The following ZFP3 variants were observed in gnomAD, a reference collection of about 807,000 sequenced individuals.
ZFP3 encodes zinc finger protein 3 homolog.
ZFP3 carries 18 observed loss-of-function variants against 36.7 expected under a neutral mutation model. The observed-to-expected ratio is 0.49, with a 90% confidence interval of 0.34 to 0.73. The LOEUF (loss-of-function observed/expected upper bound fraction) is 0.73, where lower values mean the gene tolerates loss of function less well. Among genes scored for constraint, ZFP3 ranks in the 30% least tolerant of loss-of-function variants. The probability of loss-of-function intolerance (pLI) is 0.01; values close to 1 mark genes in which losing one functional copy is unlikely to be tolerated. For missense variants in ZFP3, 495 were observed against 599.0 expected (o/e 0.83, Z 1.81); for synonymous variants, 218 against 199.0 (o/e 1.10, Z -0.81).
At chr17:5,090,114 CAG>C (rs2072142391) in intron 1 of ZFP3, among the ~76,000 whole-genome samples, 1 of 151,998 alleles carries the variant, frequency 6.6e-6, no homozygotes, top group Non-Finnish European at 1.5e-5. Flanking sequence ...AAAAGAGGTA[CAG>C]AGACATGATG....
At chr17:5,081,119 A>G (rs1266618951) in intron 1 of ZFP3, among the ~76,000 whole-genome samples, 2 of 136,916 alleles carry the variant, frequency 1.5e-5, no homozygotes, top group East Asian at 4.2e-4. Flanking sequence ...CTTTTTTGAG[A>G]TGGAGTCTCA....
intron 1 of ZFP3, among the ~76,000 whole-genome samples, chr17:5,086,678 C>T (rs1162549297): frequency 2.0e-5 from 3 of 150,528 alleles, no homozygotes; most frequent in African/African-American, 7.3e-5. Context: ...AATCTGTGCT[C>T]ACAGTTCATA....
intron 1 of ZFP3, among the ~76,000 whole-genome samples, chr17:5,081,090 G>A (rs924371765): frequency 7.3e-6 from 1 of 137,872 alleles, no homozygotes; most frequent in African/African-American, 2.8e-5. Flanking sequence ...TTCTGTTTCT[G>A]TTCTTTTTTT....
Position 5,092,748 on chromosome 17 carries a change from A to G in ZFP3, c.1244A>G (p.His415Arg). The G allele has an allele frequency of 1.2e-6, 2 of 1,614,188 alleles. No homozygotes were observed. Among genetic ancestry groups the G allele is most frequent in the Non-Finnish European group, 1.7e-6 (2 of 1,180,030 alleles). Residue 415 changes from histidine to arginine, a missense_variant, in exon 2 of 2, where the codon CAT (histidine) becomes CGT (arginine). Physicochemically the swap from His to Arg is conservative, Grantham distance 29. Coordinates refer to ENST00000318833, the MANE Select transcript of ZFP3 (RefSeq NM_153018.3). This position sits in a 1 kb window ranked among gnomAD's most constrained non-coding sequence, Gnocchi z 5.0. ...CACCTTATTGTCCACCAGAGAATTC[A>G]TACTGGAGAGAAACCCCATCAATGT... ...TSHLIVHQRI[H>R]TGEKPHQCNE...
Position 5,093,378 on chromosome 17 carries a change from A to G in ZFP3, c.*365A>G. 5.1e-6 allele frequency: 1 copy of G among 195,676 alleles called. No homozygotes were observed. The highest frequency in any genetic ancestry group is 1.2e-5 in the Non-Finnish European group (1 of 86,900). The allele number at this position is 195,676 out of a possible 1,614,324, so 12.1% of individuals were successfully genotyped here. ...TGAGAGGTTTCAGTGTGCTAAGTTA[A>G]ATCATAAAAGCTCTTTCAGGCCTTA... On this transcript the variant is annotated 3_prime_UTR_variant, in exon 2 of 2. Transcript: ENST00000318833.
intron 1 of ZFP3, among the ~76,000 whole-genome samples, chr17:5,079,813 G>A (rs961861181): frequency 7.9e-5 from 12 of 152,166 alleles, no homozygotes; most frequent in African/African-American, 2.9e-4. Context: ...GCAAAGGTGG[G>A]CGGATCACCT....
chr17:5,085,971 C>T (rs1459387311), intron 1 of ZFP3, among the ~76,000 whole-genome samples: 1 of 152,132 alleles, frequency 6.6e-6, no homozygotes, highest in Non-Finnish European at 1.5e-5. Context: ...CAGTACTTCC[C>T]AACTCAGATG....
chr17:5,079,923 C>T (rs1233169271), intron 1 of ZFP3, among the ~76,000 whole-genome samples: 1 of 152,074 alleles, frequency 6.6e-6, no homozygotes, highest in Non-Finnish European at 1.5e-5. Flanking sequence ...CCTGTAATAC[C>T]AGCTGCTTGG....
intron 1 of ZFP3, among the ~76,000 whole-genome samples, chr17:5,089,197 T>C (rs2072137034): frequency 1.3e-5 from 2 of 152,176 alleles, no homozygotes; most frequent in Admixed American, 1.3e-4. Flanking sequence ...CTCTCTTAGA[T>C]AAATGAAGTC....
At chr17:5,084,299 G>A (rs2072109378) in intron 1 of ZFP3, among the ~76,000 whole-genome samples, 1 of 90,336 alleles carries the variant, frequency 1.1e-5, no homozygotes, top group South Asian at 4.7e-4. Flanking sequence ...TTTTTGAGAC[G>A]GAGTCTCGCT....
intron 1 of ZFP3, among the ~76,000 whole-genome samples, chr17:5,084,124 C>T (rs560626633): frequency 3.2e-4 from 48 of 152,138 alleles, no homozygotes; most frequent in African/African-American, 1.1e-3. Flanking sequence ...CCTCGGCCTC[C>T]CAAAGTGCTG....
intron 1 of ZFP3, among the ~76,000 whole-genome samples, chr17:5,079,913 C>G (rs913707718): frequency 4.6e-5 from 7 of 152,124 alleles, no homozygotes; most frequent in African/African-American, 1.7e-4. Flanking sequence ...GTGGCAGATG[C>G]CTGTAATACC....
chr17:5,081,872 A>T (rs2072095350), intron 1 of ZFP3, among the ~76,000 whole-genome samples: 1 of 146,598 alleles, frequency 6.8e-6, no homozygotes, highest in Non-Finnish European at 1.5e-5. Context: ...AAGTGTTGGG[A>T]TTACAGGCGT....
chr17:5,079,788 C>T (rs2072083658), intron 1 of ZFP3, among the ~76,000 whole-genome samples: 2 of 152,056 alleles, frequency 1.3e-5, no homozygotes, highest in African/African-American at 4.8e-5. Context: ...GCCTGTAATC[C>T]CAGCACTTTG....
chr17:5,082,789 CA>C (rs1270241095), intron 1 of ZFP3, among the ~76,000 whole-genome samples: 11 of 152,202 alleles, frequency 7.2e-5, no homozygotes, highest in African/African-American at 2.7e-4. Context: ...CTTAGCCTCT[CA>C]AAGTGCCGGG....
Position 5,090,998 on chromosome 17 carries a change from C to T in ZFP3, c.-8-499C>T, listed in dbSNP as rs142164282. On this transcript the variant is annotated intron_variant, in intron 1 of 1. Coordinates refer to ENST00000318833, the MANE Select transcript of ZFP3 (RefSeq NM_153018.3). ...CCTTCTTTCAATATTTATCGTATAC[C>T]TATCTATTAATATGGCCACCATTTT... is the stretch of plus-strand genomic sequence containing the variant. Among the ~76,000 whole-genome samples, 20 of 152,240 alleles carry T rather than the reference C, an allele frequency of 1.3e-4. No individual in the cohort carries two copies. The East Asian group carries it at 3.9e-3, about 29-fold the overall frequency.
At chr17:5,087,077 ATTTTTTTTTTTT>A (rs35379036) in intron 1 of ZFP3, among the ~76,000 whole-genome samples, 1 of 101,568 alleles carries the variant, frequency 9.8e-6, no homozygotes, top group Non-Finnish European at 1.9e-5. Context: ...ACTGCATTTG[ATTTTTTTTTTTT>A]TTTTTTTTTG....
intron 1 of ZFP3, among the ~76,000 whole-genome samples, chr17:5,087,886 T>G (rs1456058452): frequency 6.6e-6 from 1 of 152,166 alleles, no homozygotes; most frequent in African/African-American, 2.4e-5. Context: ...GCTCTGTTGA[T>G]GTGTTCCATA....
chr17:5,092,787 G>A lies in ZFP3; in HGVS notation c.1283G>A (p.Arg428Lys). ...EKPHQCNECA[R>K]TFWDNSELLL... ...CCCCATCAATGTAATGAGTGTGCAA[G>A]AACCTTTTGGGATAATTCTGAGCTG... The change falls in exon 2 of 2, where the codon AGA becomes AAA. Residue 428 changes from arginine (R) to lysine (K), a missense_variant. By Grantham distance (26) the Arg-to-Lys change is conservative. Around this residue, in one of 3 missense-constraint regions of ZFP3, gnomAD observed 163 missense variants for 178.4 expected, o/e 0.91. Coordinates refer to ENST00000318833, the MANE Select transcript of ZFP3 (RefSeq NM_153018.3). This position sits in a 1 kb window ranked among gnomAD's most constrained non-coding sequence, Gnocchi z 5.0. The A allele has an allele frequency of 3.7e-6, 6 of 1,614,108 alleles. No individual in the cohort carries two copies. The highest frequency in any genetic ancestry group is 5.1e-6 in the Non-Finnish European group (6 of 1,180,010).
Sources: gnomAD v4.1 joint callset for allele counts (sites outside exome capture counted in the v4.1 genomes callset) on GRCh38, gnomAD v4.1.1 for gene constraint, gnomAD v4.1.1 regional missense constraint, Gnocchi (gnomAD v3.1) non-coding constraint, MANE v1.5 for transcripts, NCBI Gene and HGNC (gene_info 2026-07-23, HGNC 2026-07-21) for gene names.